The following NIM1K variants were observed in gnomAD, a reference collection of about 807,000 sequenced individuals.
NIM1K encodes serine/threonine-protein kinase NIM1.
Under a neutral mutation model 37.1 loss-of-function variants are expected in NIM1K, and 35 were observed. The ratio of observed to expected loss-of-function variants is 0.94; its 90% CI spans 0.72 to 1.25. The LOEUF (loss-of-function observed/expected upper bound fraction) is 1.25. Ranked by LOEUF, NIM1K falls within the 50% of genes most tolerant of loss-of-function variation. The pLI is 0.00. For missense variants in NIM1K, 564 were observed against 548.0 expected, an observed-to-expected ratio of 1.03 and a Z score of -0.29; for synonymous variants, 234 against 206.6, an observed-to-expected ratio of 1.13 and a Z score of -1.14.
chr5:43,226,628 G>A (rs986828756), intron 1 of NIM1K, among the ~76,000 whole-genome samples: 52 of 152,210 alleles, frequency 3.4e-4, no homozygotes, highest in African/African-American at 1.2e-3. Flanking sequence ...TTTTCCTAAA[G>A]AGGAACTAGA....
At chr5:43,204,926 G>A (rs1011792641) in intron 1 of NIM1K, among the ~76,000 whole-genome samples, 8 of 152,122 alleles carry the variant, frequency 5.3e-5, no homozygotes, top group African/African-American at 1.9e-4. Context: ...AGCCCGGGAG[G>A]TCGAGGCTGC....
chr5:43,203,445 A>C (rs765031531), intron 1 of NIM1K, among the ~76,000 whole-genome samples: 4 of 152,106 alleles, frequency 2.6e-5, no homozygotes, highest in African/African-American at 7.2e-5. Flanking sequence ...CAAACGTTGA[A>C]CTGTGACGAA....
In NIM1K at chr5:43,236,058, C is replaced by T. The variant is rs750290488; in HGVS notation, c.-694-9024C>T. ...GGGAGGCCAAGGAGGGTGGATTACT[C>T]GAGACCGGGAGTTGCAGATCAGCCT... is the stretch of plus-strand genomic sequence containing the variant. On this transcript the variant is annotated intron_variant, in intron 1 of 3. Coordinates refer to ENST00000326035, the MANE Select transcript of NIM1K (RefSeq NM_153361.4). Among the ~76,000 whole-genome samples the T allele has an allele frequency of 3.7e-4, 56 of 151,916 alleles. 1 individual carries two copies. Among genetic ancestry groups the T allele is most frequent in the South Asian group, 1.2e-3 (6 of 4,820 alleles).
At chr5:43,194,852 C>A (rs1751889410) in intron 1 of NIM1K, 2 of 152,248 alleles carry the variant, frequency 1.3e-5, no homozygotes, top group South Asian at 4.1e-4. Flanking sequence ...CCTGCCTCAG[C>A]CTCCTGAGGA....
At chr5:43,263,012 C>G (rs374102195) in intron 2 of NIM1K, among the ~76,000 whole-genome samples, 1 of 152,092 alleles carries the variant, frequency 6.6e-6, no homozygotes, top group Non-Finnish European at 1.5e-5. Flanking sequence ...ATTCAGTTTG[C>G]CAGTATTTTA....
intron 3 of NIM1K, among the ~76,000 whole-genome samples, chr5:43,279,341 C>T (rs1003916243): frequency 6.6e-6 from 1 of 152,144 alleles, no homozygotes; most frequent in Non-Finnish European, 1.5e-5. Context: ...AGCCTGGATT[C>T]TTATTCCAGG....
chr5:43,209,060 AGT>A (rs1752167233), intron 1 of NIM1K, among the ~76,000 whole-genome samples: 1 of 152,236 alleles, frequency 6.6e-6, no homozygotes, highest in Non-Finnish European at 1.5e-5. Flanking sequence ...TTTAAAATAA[AGT>A]AAATTCTGCT....
intron 1 of NIM1K, among the ~76,000 whole-genome samples, chr5:43,220,195 T>C (rs1246611166): frequency 6.6e-6 from 1 of 152,228 alleles, no homozygotes; most frequent in Non-Finnish European, 1.5e-5. Context: ...GTTTTATATC[T>C]TTAGCTCTTA....
chr5:43,213,360 T>C (rs557054015), intron 1 of NIM1K, among the ~76,000 whole-genome samples: 3 of 148,630 alleles, frequency 2.0e-5, no homozygotes, highest in Non-Finnish European at 2.9e-5. Flanking sequence ...TGGAGTCTCA[T>C]TCATTGTCAC....
chr5:43,274,522 T>A (rs1254066433), intron 2 of NIM1K, among the ~76,000 whole-genome samples: 1 of 152,132 alleles, frequency 6.6e-6, no homozygotes, highest in Non-Finnish European at 1.5e-5. Flanking sequence ...CTGTTTCAGA[T>A]AAATAGGTGA....
intron 1 of NIM1K, among the ~76,000 whole-genome samples, chr5:43,198,195 CTTTCTTTCTT>C (rs1751954295): frequency 1.9e-5 from 1 of 53,498 alleles, no homozygotes; most frequent in Non-Finnish European, 3.8e-5. Flanking sequence ...TTCTTTCTTT[CTTTCTTTCTT>C]TCTCTTTCTT....
intron 1 of NIM1K, among the ~76,000 whole-genome samples, chr5:43,203,763 C>T (rs1158200759): frequency 3.3e-5 from 5 of 152,104 alleles, no homozygotes; most frequent in African/African-American, 7.2e-5. Flanking sequence ...CAGTGGCTCA[C>T]GTCTGTAATC....
chr5:43,204,341 C>T (rs1752077943), intron 1 of NIM1K, among the ~76,000 whole-genome samples: 1 of 151,228 alleles, frequency 6.6e-6, no homozygotes, highest in Admixed American at 6.6e-5. Flanking sequence ...ACCTCAGCCT[C>T]CCAAAGTGCT....
chr5:43,218,251 T>C (rs1258247575), intron 1 of NIM1K, among the ~76,000 whole-genome samples: 1 of 152,100 alleles, frequency 6.6e-6, no homozygotes, highest in Non-Finnish European at 1.5e-5. Context: ...CCTCAAGTGA[T>C]CTGCCTGCCT....
chr5:43,195,923 C>T (rs906670724), intron 1 of NIM1K, among the ~76,000 whole-genome samples: 3 of 152,148 alleles, frequency 2.0e-5, no homozygotes, highest in African/African-American at 7.2e-5. Context: ...AGAAGGAAAA[C>T]GAAGTTGCAG....
chr5:43,275,064 T>C (rs1753318309), intron 2 of NIM1K, among the ~76,000 whole-genome samples: 1 of 152,226 alleles, frequency 6.6e-6, no homozygotes, highest in South Asian at 2.1e-4. Context: ...AGTAAGTCTA[T>C]ATTCATGATA....
At chr5:43,203,010 T>A (rs1752056227) in intron 1 of NIM1K, among the ~76,000 whole-genome samples, 2 of 152,126 alleles carry the variant, frequency 1.3e-5, no homozygotes, top group Non-Finnish European at 2.9e-5. Flanking sequence ...GCTCTTCAGC[T>A]CCAGCCTTTC....
In NIM1K at chr5:43,245,786, T is replaced by C. The variant is rs1752769466; in HGVS notation, c.11T>C (p.Val4Ala). ...GAGCCCCCGTGGACGATGACTGCAG[T>C]GTATATGAATGGAGGTGGCCTGGTG... MTA[V>A]YMNGGGLVNP... The change falls in exon 2 of 4, where the codon GTG becomes GCG. Residue 4 changes from valine to alanine, a missense_variant. Val to Ala is a moderately conservative substitution (Grantham distance 64). Transcript: ENST00000326035. 1 of 1,600,624 alleles carries C rather than the reference T, an allele frequency of 6.2e-7. No individual in the cohort carries two copies. Among genetic ancestry groups the C allele is most frequent in the Admixed American group, 1.7e-5 (1 of 59,288 alleles).
rs34781381 is a variant in NIM1K, at chr5:43,271,522, A to AT, written c.293-5535_293-5534insT. Among the ~76,000 whole-genome samples the AT allele has an allele frequency of 7.5e-3, 1,149 of 152,314 alleles. 10 individuals carry two copies. The highest frequency in any genetic ancestry group is 0.034 in the Middle Eastern group (10 of 294). ...TACATATATTAGAGTAGTGCTCAAA[A>AT]ATGTTTTATTATGCACATGCAGTTG... On this transcript the variant is annotated intron_variant, in intron 2 of 3. Transcript: ENST00000326035.
Sources: allele counts gnomAD v4.1 joint callset (sites outside exome capture counted in the v4.1 genomes callset), GRCh38; gene constraint gnomAD v4.1.1; transcripts MANE v1.5; gene names NCBI Gene and HGNC (gene_info 2026-07-23, HGNC 2026-07-21).